RAB5C: variants seen among roughly 807,000 people sequenced by gnomAD.
The protein encoded by RAB5C is RAB5C, member RAS oncogene family.
RAB5C carries 4 observed loss-of-function variants against 25.2 expected under a neutral mutation model. The ratio of observed to expected loss-of-function variants is 0.16; its 90% CI spans 0.08 to 0.36. The LOEUF is 0.36. Ranked by LOEUF, RAB5C falls within the 10% of genes least tolerant of loss-of-function variation. The probability of loss-of-function intolerance (pLI) is 1.00; values close to 1 mark genes in which losing one functional copy is unlikely to be tolerated. For missense variants in RAB5C, 199 were observed against 283.8 expected (o/e 0.70, Z 2.15); for synonymous variants, 100 against 106.4 (o/e 0.94, Z 0.37).
chr17:42,147,124 C>CAGAA (rs771354020), intron 1 of RAB5C, among the ~76,000 whole-genome samples: 406 of 145,828 alleles, frequency 2.8e-3, no homozygotes, highest in African/African-American at 7.1e-3. Flanking sequence ...AAGAAAGAAA[C>CAGAA]AGAAAGAAAG....
rs782698188 is a variant in RAB5C, at chr17:42,125,747, C to A, written c.*36G>T. ...GTGGATTCCAGTCGGGTCATTCAGG[C>A]GGAGGAGGCGGGGGCAGCGGGCAGG... On this transcript the variant is annotated 3_prime_UTR_variant, in exon 6 of 6. Transcript: ENST00000346213. 9.6e-6 allele frequency: 14 copies of A among 1,461,180 alleles called. No homozygotes were observed. In the African/African-American group the frequency reaches 1.1e-4, roughly 12 times the overall value. The allele number at this position is 1,461,180 out of a possible 1,614,324, so 90.5% of individuals were successfully genotyped here.
chr17:42,129,874 G>C (rs770772056), intron 2 of RAB5C, among the ~76,000 whole-genome samples: 5 of 152,228 alleles, frequency 3.3e-5, no homozygotes, highest in African/African-American at 7.2e-5. Flanking sequence ...ATCAACAACA[G>C]GCTGTGAGCT....
chr17:42,132,353 T>C (rs2054494371), intron 1 of RAB5C, among the ~76,000 whole-genome samples: 2 of 152,228 alleles, frequency 1.3e-5, no homozygotes. Flanking sequence ...TGGGTCTCAA[T>C]TAGCAACCAG....
chr17:42,138,779 G>C (rs150409182), intron 1 of RAB5C, among the ~76,000 whole-genome samples: 153 of 152,310 alleles, frequency 1.0e-3, no homozygotes, highest in African/African-American at 3.6e-3. Flanking sequence ...TTAAAGCCTG[G>C]ATACACATTA....
intron 4 of RAB5C, among the ~76,000 whole-genome samples, chr17:42,127,843 T>TA (rs940154448): frequency 2.0e-5 from 3 of 150,508 alleles, no homozygotes; most frequent in African/African-American, 7.3e-5. Context: ...TTTTTTTTTT[T>TA]AAAGAGATGG....
intron 4 of RAB5C, 60 bp from the exon 5 acceptor site, chr17:42,126,908 G>T: frequency 9.0e-7 from 1 of 1,115,240 alleles, no homozygotes; most frequent in Non-Finnish European, 1.4e-6. Context: ...CCAGGGCCCA[G>T]GGCCCAGGAT....
At chr17:42,141,410 A>G (rs561220215) in intron 1 of RAB5C, among the ~76,000 whole-genome samples, 2 of 152,352 alleles carry the variant, frequency 1.3e-5, no homozygotes, top group East Asian at 1.9e-4. Flanking sequence ...TTAACAGCAC[A>G]TAACAGCAAG....
rs561960292 is a variant in RAB5C at position 42,128,563 on chromosome 17, C to T, written c.318+86G>A. 77 of 950,052 alleles carry T rather than the reference C, an allele frequency of 8.1e-5. No homozygotes were observed. The East Asian group carries it at 2.8e-3, about 35-fold the overall frequency. 58.9% of individuals were successfully genotyped at this position (950,052 alleles called of 1,614,324 possible). On this transcript the variant is annotated intron_variant, in intron 3 of 5. Transcript: ENST00000346213. ...CCCCACCCAGGAACAGAGGGTTAAGCGGCCTGAAATCAGGGCTCTGATAAC... is the reference window on the plus strand; with the variant it reads ...CCCCACCCAGGAACAGAGGGTTAAGTGGCCTGAAATCAGGGCTCTGATAAC...
At chr17:42,127,564 G>A (rs1387325308) in intron 4 of RAB5C, among the ~76,000 whole-genome samples, 1 of 148,060 alleles carries the variant, frequency 6.8e-6, no homozygotes, top group Non-Finnish European at 1.5e-5. Context: ...TTTTTTTTGA[G>A]ACAGGATCTC....
At chr17:42,138,244 C>T (rs1417277090) in intron 1 of RAB5C, among the ~76,000 whole-genome samples, 1 of 152,182 alleles carries the variant, frequency 6.6e-6, no homozygotes. Context: ...AGAAGGGTGT[C>T]CTCTGTGTGA....
intron 1 of RAB5C, among the ~76,000 whole-genome samples, chr17:42,134,610 T>C (rs1198230334): frequency 6.6e-6 from 1 of 152,118 alleles, no homozygotes; most frequent in Non-Finnish European, 1.5e-5. Context: ...ACAAGTACAA[T>C]GGCCGTGCTG....
chr17:42,137,599 C>T (rs1002500217), intron 1 of RAB5C, among the ~76,000 whole-genome samples: 1 of 152,038 alleles, frequency 6.6e-6, no homozygotes, highest in Non-Finnish European at 1.5e-5. Flanking sequence ...ATATTAAAGA[C>T]AATCAAGGGC....
At position 42,130,585 on chromosome 17, in the gene RAB5C, C is replaced by A. The variant is rs1014328871; in HGVS notation, c.-83G>T. The stretch of plus-strand genomic sequence containing the variant: ...AGAGGCACTTAGTGGGGAGGGGGAC[C>A]TCCAACTGTAAGGGAGAAATGAGAA... On this transcript the variant is annotated 5_prime_UTR_variant, in exon 2 of 6. It adds an upstream start codon to the 5' untranslated region. Transcript: ENST00000346213. The A allele has an allele frequency of 3.2e-6, 5 of 1,577,804 alleles. No homozygotes were observed. In the East Asian group the frequency reaches 9.1e-5, roughly 29 times the overall value.
At chr17:42,144,724 C>T (rs1366192068) in intron 1 of RAB5C, among the ~76,000 whole-genome samples, 5 of 151,296 alleles carry the variant, frequency 3.3e-5, no homozygotes, top group Non-Finnish European at 5.9e-5. Context: ...GTCAGGAGAT[C>T]GAGACCATCC....
intron 1 of RAB5C, among the ~76,000 whole-genome samples, chr17:42,142,331 A>G (rs1201799873): frequency 6.6e-6 from 1 of 152,070 alleles, no homozygotes; most frequent in East Asian, 1.9e-4. Context: ...CACCGCGCCC[A>G]GCCCACAAAG....
intron 1 of RAB5C, among the ~76,000 whole-genome samples, chr17:42,133,333 T>C (rs2054504998): frequency 6.6e-6 from 1 of 152,052 alleles, no homozygotes; most frequent in Non-Finnish European, 1.5e-5. Context: ...AAGCAGCTGG[T>C]GCTTAGGGTA....
intron 1 of RAB5C, among the ~76,000 whole-genome samples, chr17:42,131,404 A>G (rs138854453): frequency 6.6e-6 from 1 of 152,024 alleles, no homozygotes; most frequent in Non-Finnish European, 1.5e-5. Flanking sequence ...ACACACACAG[A>G]AACACACACA....
intron 1 of RAB5C, among the ~76,000 whole-genome samples, chr17:42,149,229 GGGAGA>G (rs1276867932): frequency 6.6e-6 from 1 of 152,276 alleles, no homozygotes; most frequent in Admixed American, 6.5e-5. Context: ...CTCAAGTCAG[GGGAGA>G]GGAAACTCCC....
At chr17:42,150,544 C>CAAAAAAAAAAAAAAAAAAAAAAAAAAAA (rs759878778) in intron 1 of RAB5C, among the ~76,000 whole-genome samples, 1 of 19,388 alleles carries the variant, frequency 5.2e-5, no homozygotes, top group Non-Finnish European at 8.8e-5. Flanking sequence ...AACTCCATCT[C>CAAAAAAAAAAAAAAAAAAAAAAAAAAAA]AAAAAAAAAA....
Sources: gnomAD v4.1 joint callset for allele counts (sites outside exome capture counted in the v4.1 genomes callset) on GRCh38, gnomAD v4.1.1 for gene constraint, MANE v1.5 for transcripts, NCBI Gene and HGNC (gene_info 2026-07-23, HGNC 2026-07-21) for gene names.